Variants in ADAMTS12 observed in about 807,000 individuals in gnomAD.
ADAMTS12 encodes the protein ADAM metallopeptidase with thrombospondin type 1 motif 12, also known as A disintegrin and metalloproteinase with thrombospondin motifs 12.
ADAMTS12 carries 118 observed loss-of-function variants against 167.8 expected under a neutral mutation model. The ratio of observed to expected loss-of-function variants is 0.70; its 90% CI spans 0.61 to 0.82. The LOEUF (loss-of-function observed/expected upper bound fraction) is 0.82. ADAMTS12 is among the 40% of genes least tolerant of loss of function. ADAMTS12 has a pLI of 0.00. For missense variants in ADAMTS12, 1,916 were observed against 1,998.8 expected, an observed-to-expected ratio of 0.96 and a Z score of 0.79; for synonymous variants, 704 against 716.9, an observed-to-expected ratio of 0.98 and a Z score of 0.29.
At chr5:33,686,704 CTCTT>C (rs74695852) in intron 3 of ADAMTS12, among the ~76,000 whole-genome samples, 27,083 of 150,818 alleles carry the variant, frequency 0.18, 2,829 homozygotes, top group South Asian at 0.43. Flanking sequence ...TCAGAGCCCT[CTCTT>C]TCTCTCAGAG....
chr5:33,826,572 ATGTGTG>A (rs1167799671), intron 2 of ADAMTS12, among the ~76,000 whole-genome samples: 7 of 70,196 alleles, frequency 1.0e-4, no homozygotes, highest in African/African-American at 3.0e-4. Flanking sequence ...ATGTATGTGT[ATGTGTG>A]TGTGTGTGTA....
chr5:33,655,138 AC>A (rs1741006638), intron 7 of ADAMTS12, among the ~76,000 whole-genome samples: 1 of 152,106 alleles, frequency 6.6e-6, no homozygotes, highest in Non-Finnish European at 1.5e-5. Flanking sequence ...ATCTTCCATG[AC>A]TTATAACTTT....
At chr5:33,566,135 A>G (rs1003673304) in intron 19 of ADAMTS12, among the ~76,000 whole-genome samples, 3 of 152,180 alleles carry the variant, frequency 2.0e-5, no homozygotes, top group African/African-American at 7.2e-5. Context: ...AGTTGATTCA[A>G]ATTGAATAGT....
intron 3 of ADAMTS12, among the ~76,000 whole-genome samples, chr5:33,748,332 A>T (rs921926974): frequency 2.0e-5 from 3 of 152,232 alleles, no homozygotes; most frequent in Non-Finnish European, 2.9e-5. Context: ...ACTGTTTACC[A>T]TAGATTCTAG....
chr5:33,672,751 G>A (rs1248779170), intron 5 of ADAMTS12, among the ~76,000 whole-genome samples: 3 of 152,188 alleles, frequency 2.0e-5, no homozygotes, highest in Non-Finnish European at 2.9e-5. Context: ...TCATCCTTGT[G>A]GAGAAAGCAG....
intron 19 of ADAMTS12, among the ~76,000 whole-genome samples, chr5:33,573,626 C>G (rs1304517970): frequency 1.3e-5 from 2 of 152,186 alleles, no homozygotes; most frequent in East Asian, 3.9e-4. Flanking sequence ...CATGTTAGAC[C>G]TAAAACCATA....
Position 33,576,941 on chromosome 5 carries a change from G to A in ADAMTS12, c.3085C>T (p.Pro1029Ser). ...LKPVPPPTSR[P>S]RMLTTPTGPE... ...CCTGTGGGTGTGGTCAGCATTCTGG[G>A]CCTGGATGTAGGTGGAGGGACGGGC... Residue 1029 changes from proline (P) to serine (S), a missense_variant, in exon 19 of 24, where the codon CCC (proline) becomes TCC (serine). Pro to Ser is a moderately conservative substitution (Grantham distance 74, BLOSUM62 -1). Transcript: ENST00000504830. The A allele has an allele frequency of 6.2e-7, 1 of 1,614,198 alleles. No homozygotes were observed. Among genetic ancestry groups the A allele is most frequent in the Non-Finnish European group, 8.5e-7 (1 of 1,180,034 alleles).
chr5:33,576,964 G>T lies in ADAMTS12; in HGVS notation c.3062C>A (p.Pro1021His), dbSNP rs1327773537. The T allele has an allele frequency of 1.2e-6, 2 of 1,614,070 alleles. No individual in the cohort carries two copies. Among genetic ancestry groups the T allele is most frequent in the Non-Finnish European group, 1.7e-6 (2 of 1,180,050 alleles). The change falls in exon 19 of 24, where the codon CCC (proline) becomes CAC (histidine). Residue 1021 changes from proline to histidine, a missense_variant. By Grantham distance (77) the Pro-to-His change is moderately conservative. Coordinates refer to ENST00000504830, the MANE Select transcript of ADAMTS12 (RefSeq NM_030955.4). ...SNGKNPPTLK[P>H]VPPPTSRPRM... is the part of the protein sequence containing the mutation. The stretch of plus-strand genomic sequence containing the variant: ...GGGCCTGGATGTAGGTGGAGGGACG[G>T]GCTTTAGTGTTGGTGGGTTTTTTCC...
intron 2 of ADAMTS12, among the ~76,000 whole-genome samples, chr5:33,848,665 G>C: frequency 6.6e-6 from 1 of 152,150 alleles, no homozygotes; most frequent in East Asian, 1.9e-4. Context: ...TTCTGAATCA[G>C]TTGCCCCAAT....
intron 2 of ADAMTS12, among the ~76,000 whole-genome samples, chr5:33,830,398 GA>G (rs1341316230): frequency 6.6e-6 from 1 of 152,230 alleles, no homozygotes; most frequent in Non-Finnish European, 1.5e-5. Flanking sequence ...AAGATAGTCA[GA>G]AAATGGTCAG....
chr5:33,703,795 G>A (rs1743089470), intron 3 of ADAMTS12, among the ~76,000 whole-genome samples: 1 of 152,092 alleles, frequency 6.6e-6, no homozygotes, highest in African/African-American at 2.4e-5. Flanking sequence ...GGTTTGGGCT[G>A]AGCTTCTGCA....
intron 3 of ADAMTS12, among the ~76,000 whole-genome samples, chr5:33,721,460 T>C (rs1579873197): frequency 6.6e-6 from 1 of 152,200 alleles, no homozygotes; most frequent in Non-Finnish European, 1.5e-5. Context: ...GAGGGACCGT[T>C]GCCTTTTCCC....
chr5:33,747,700 C>T (rs1300030858), intron 3 of ADAMTS12, among the ~76,000 whole-genome samples: 1 of 152,128 alleles, frequency 6.6e-6, no homozygotes, highest in Admixed American at 6.5e-5. Context: ...GATGGAAAAA[C>T]TACAGAAGAG....
intron 18 of ADAMTS12, among the ~76,000 whole-genome samples, chr5:33,580,106 T>A (rs1261600182): frequency 6.6e-6 from 1 of 152,246 alleles, no homozygotes; most frequent in Admixed American, 6.5e-5. Flanking sequence ...TAACAAGAAC[T>A]AAGTAATCTT....
At chr5:33,845,490 T>C (rs1748910682) in intron 2 of ADAMTS12, among the ~76,000 whole-genome samples, 3 of 152,136 alleles carry the variant, frequency 2.0e-5, no homozygotes, top group South Asian at 4.1e-4. Flanking sequence ...ACAGATATAA[T>C]AGTAATAACA....
intron 2 of ADAMTS12, among the ~76,000 whole-genome samples, chr5:33,830,244 T>C (rs1269497386): frequency 6.6e-6 from 1 of 151,794 alleles, no homozygotes; most frequent in East Asian, 1.9e-4. Context: ...ACCACCCAGA[T>C]CCCTTCAGAA....
chr5:33,729,181 C>T (rs1744088736), intron 3 of ADAMTS12, among the ~76,000 whole-genome samples: 1 of 152,110 alleles, frequency 6.6e-6, no homozygotes, highest in Admixed American at 6.5e-5. Context: ...GACACAATAA[C>T]ATTTTAGAGT....
At chr5:33,739,625 T>C (rs910934030) in intron 3 of ADAMTS12, among the ~76,000 whole-genome samples, 4 of 152,202 alleles carry the variant, frequency 2.6e-5, no homozygotes, top group Non-Finnish European at 4.4e-5. Flanking sequence ...AGACTCGGTT[T>C]CTAGGACTGC....
chr5:33,596,624 G>T (rs773101881), intron 16 of ADAMTS12, among the ~76,000 whole-genome samples: 1 of 152,208 alleles, frequency 6.6e-6, no homozygotes, highest in Non-Finnish European at 1.5e-5. Context: ...GAAGGTTGCC[G>T]TGAGCTGAGA....
Sources: allele counts gnomAD v4.1 joint callset (sites outside exome capture counted in the v4.1 genomes callset), GRCh38; gene constraint gnomAD v4.1.1; transcripts MANE v1.5; gene names NCBI Gene and HGNC (gene_info 2026-07-23, HGNC 2026-07-21).